GAREM1: variants seen among roughly 807,000 people sequenced by gnomAD.
GAREM1 encodes GRB2-associated and regulator of MAPK protein 1.
A neutral mutation model predicts 71.3 loss-of-function variants in GAREM1; 26 were observed. The ratio of observed to expected loss-of-function variants is 0.36; its 90% confidence interval spans 0.27 to 0.51. The LOEUF (loss-of-function observed/expected upper bound fraction) is 0.51, where lower values mean the gene tolerates loss of function less well. Among genes scored for constraint, GAREM1 ranks in the 20% least tolerant of loss-of-function variants. The pLI is 0.95. For missense variants in GAREM1, 1,026 were observed against 1,103.1 expected (o/e 0.93, Z 0.99); for synonymous variants, 440 against 433.2 (o/e 1.02, Z -0.20).
At chr18:32,424,268 A>T (rs773847733) in intron 1 of GAREM1, among the ~76,000 whole-genome samples, 15 of 152,218 alleles carry the variant, frequency 9.9e-5, no homozygotes, top group Non-Finnish European at 1.9e-4. Context: ...TATTATAAAA[A>T]TTTTTGACAG....
intron 1 of GAREM1, among the ~76,000 whole-genome samples, chr18:32,433,244 A>G (rs147929937): frequency 1.3e-5 from 2 of 151,900 alleles, no homozygotes; most frequent in African/African-American, 4.8e-5. Context: ...TAAAAAACAC[A>G]AAAAAACTTT....
chr18:32,291,974 C>A (rs2047092716), intron 3 of GAREM1, among the ~76,000 whole-genome samples: 1 of 152,114 alleles, frequency 6.6e-6, no homozygotes, highest in East Asian at 1.9e-4. Context: ...GTCTTTATAG[C>A]AGAATGATTT....
intron 2 of GAREM1, among the ~76,000 whole-genome samples, chr18:32,365,532 C>T (rs2047922106): frequency 6.6e-6 from 1 of 152,160 alleles, no homozygotes; most frequent in African/African-American, 2.4e-5. Context: ...AATAACCTTT[C>T]TATACCACAA....
intron 1 of GAREM1, among the ~76,000 whole-genome samples, chr18:32,440,066 T>C (rs1017132338): frequency 6.6e-6 from 1 of 152,224 alleles, no homozygotes; most frequent in Non-Finnish European, 1.5e-5. Context: ...CTTCTGTTCA[T>C]ACATTGTTCC....
At chr18:32,389,872 T>C (rs2048179661) in intron 2 of GAREM1, among the ~76,000 whole-genome samples, 1 of 152,146 alleles carries the variant, frequency 6.6e-6, no homozygotes, top group African/African-American at 2.4e-5. Context: ...TTTTACACGG[T>C]AATCAAAACA....
intron 3 of GAREM1, among the ~76,000 whole-genome samples, chr18:32,297,966 A>G (rs1044936961): frequency 2.0e-5 from 3 of 152,230 alleles, no homozygotes; most frequent in African/African-American, 7.2e-5. Flanking sequence ...AGAAATGATA[A>G]GTCTAGTGAA....
At chr18:32,449,216 A>T (rs1240154504) in intron 1 of GAREM1, among the ~76,000 whole-genome samples, 1 of 152,206 alleles carries the variant, frequency 6.6e-6, no homozygotes, top group Non-Finnish European at 1.5e-5. Flanking sequence ...CACCATAATT[A>T]GTCCTCAATG....
chr18:32,343,312 T>G (rs1162759899), intron 2 of GAREM1, among the ~76,000 whole-genome samples: 2 of 79,890 alleles, frequency 2.5e-5, no homozygotes, highest in Non-Finnish European at 2.5e-5. Flanking sequence ...TCCCCCACTG[T>G]TTTTTTTTTT....
intron 2 of GAREM1, among the ~76,000 whole-genome samples, chr18:32,382,734 GAC>G (rs2048109182): frequency 6.6e-6 from 1 of 152,172 alleles, no homozygotes; most frequent in Admixed American, 6.5e-5. Flanking sequence ...GAGCAAGGGA[GAC>G]ACAGTCACTG....
At position 32,282,108 on chromosome 18, in the gene GAREM1, T is replaced by C. The variant is rs138014505; in HGVS notation, c.1566+4923A>G. On this transcript the variant is annotated intron_variant, in intron 4 of 5. Transcript: ENST00000269209. Reference sequence around the variant, plus strand: ...AAAACGGCCCCACCCCTATCTCCCTTCGCTGACTCTCTTTTCGGACTCAGC... The same window carrying C: ...AAAACGGCCCCACCCCTATCTCCCTCCGCTGACTCTCTTTTCGGACTCAGC... 2.3e-3 allele frequency among the ~76,000 whole-genome samples: 348 copies of C among 152,122 alleles called. 11 individuals are homozygous for C. The East Asian group carries it at 0.058, about 25-fold the overall frequency.
At chr18:32,281,869 G>T (rs2046954915) in intron 4 of GAREM1, among the ~76,000 whole-genome samples, 1 of 152,088 alleles carries the variant, frequency 6.6e-6, no homozygotes, top group African/African-American at 2.4e-5. Context: ...AATCACAAAA[G>T]AAGTGAATAT....
intron 2 of GAREM1, among the ~76,000 whole-genome samples, chr18:32,312,032 T>C (rs2144521626): frequency 6.6e-6 from 1 of 152,240 alleles, no homozygotes; most frequent in East Asian, 1.9e-4. Flanking sequence ...AGAGCTGACA[T>C]TGACTGAGAC....
chr18:32,374,789 A>AC (rs1418186541), intron 2 of GAREM1, among the ~76,000 whole-genome samples: 1 of 152,256 alleles, frequency 6.6e-6, no homozygotes, highest in Non-Finnish European at 1.5e-5. Flanking sequence ...CTGGCATACC[A>AC]CAAAGGTACT....
intron 2 of GAREM1, chr18:32,331,631 C>T (rs1005081205): frequency 1.3e-5 from 2 of 152,174 alleles, no homozygotes; most frequent in African/African-American, 4.8e-5. Flanking sequence ...CTCACCGTGT[C>T]TGATTCAGAA....
At chr18:32,395,230 T>G (rs1031939001) in intron 1 of GAREM1, among the ~76,000 whole-genome samples, 28 of 152,138 alleles carry the variant, frequency 1.8e-4, no homozygotes, top group African/African-American at 6.5e-4. Flanking sequence ...ACACTGACAA[T>G]AATCCAAAGA....
intron 2 of GAREM1, among the ~76,000 whole-genome samples, chr18:32,344,390 CCTT>C (rs2047675503): frequency 1.3e-5 from 2 of 152,296 alleles, no homozygotes; most frequent in African/African-American, 2.4e-5. Flanking sequence ...TATACATCAA[CCTT>C]CTGCTAAGAG....
intron 4 of GAREM1, among the ~76,000 whole-genome samples, chr18:32,275,245 T>C (rs1171757737): frequency 6.6e-6 from 1 of 152,204 alleles, no homozygotes; most frequent in Non-Finnish European, 1.5e-5. Flanking sequence ...TAATGACTAT[T>C]CTAAAATGAA....
chr18:32,303,481 C>T (rs1454782262), intron 3 of GAREM1, among the ~76,000 whole-genome samples: 2 of 152,100 alleles, frequency 1.3e-5, no homozygotes, highest in African/African-American at 4.8e-5. Flanking sequence ...GGCTGGAAGA[C>T]ATTTAAAATA....
chr18:32,305,561 C>T (rs2047245654), intron 3 of GAREM1, among the ~76,000 whole-genome samples: 2 of 152,196 alleles, frequency 1.3e-5, no homozygotes, highest in South Asian at 4.1e-4. Flanking sequence ...ATTCTGTCAC[C>T]CAGGCTGGAG....
Sources: gnomAD v4.1 joint callset for allele counts (sites outside exome capture counted in the v4.1 genomes callset) on GRCh38, gnomAD v4.1.1 for gene constraint, MANE v1.5 for transcripts, NCBI Gene and HGNC (gene_info 2026-07-23, HGNC 2026-07-21) for gene names.